ESRRG: variants seen among roughly 807,000 people sequenced by gnomAD.
The protein encoded by ESRRG is estrogen related receptor gamma, also known as estrogen-related receptor gamma.
ESRRG carries 13 observed loss-of-function variants against 44.0 expected under a neutral mutation model. The ratio of observed to expected loss-of-function variants is 0.30; its 90% CI spans 0.19 to 0.47. ESRRG has a LOEUF of 0.47. ESRRG is among the 20% of genes least tolerant of loss of function. The pLI, the probability that ESRRG is intolerant of heterozygous loss-of-function variation, is 1.00. For missense variants in ESRRG, 395 were observed against 580.6 expected (o/e 0.68, Z 3.29); for synonymous variants, 215 against 214.6 (o/e 1.00, Z -0.02).
At chr1:216,821,701 T>TAAA (rs975521934) in intron 2 of ESRRG, among the ~76,000 whole-genome samples, 1 of 80,526 alleles carries the variant, frequency 1.2e-5, no homozygotes, top group African/African-American at 4.2e-5. Flanking sequence ...AATAAATAAA[T>TAAA]AAATAAATAA....
chr1:216,875,884 C>T (rs569566387), intron 2 of ESRRG, among the ~76,000 whole-genome samples: 7 of 152,234 alleles, frequency 4.6e-5, no homozygotes, highest in South Asian at 4.1e-4. Context: ...CAGATATGAG[C>T]GTTCCAGTTC....
intron 2 of ESRRG, among the ~76,000 whole-genome samples, chr1:216,788,418 A>C (rs990507622): frequency 2.0e-4 from 30 of 152,144 alleles, no homozygotes; most frequent in African/African-American, 7.0e-4. Flanking sequence ...GCAACAACAA[A>C]GCCTGGATGA....
rs560254015 is a variant in ESRRG at position 216,892,727 on chromosome 1, A to C, written c.-14+46855T>G. Among the ~76,000 whole-genome samples, 11 of 152,274 alleles carry C rather than the reference A, an allele frequency of 7.2e-5. No individual in the cohort carries two copies. In the South Asian group the frequency reaches 2.1e-3, roughly 29 times the overall value. On this transcript the variant is annotated intron_variant, in intron 2 of 7. Transcript: ENST00000359162. ...AGTGGCAAGCTGATCTATGGCAATG[A>C]ACACAGCACTGTCCTCACATACTTT... is the stretch of plus-strand genomic sequence containing the variant.
chr1:216,647,515 T>G (rs1325211553), intron 3 of ESRRG, among the ~76,000 whole-genome samples: 1 of 152,152 alleles, frequency 6.6e-6, no homozygotes, highest in Non-Finnish European at 1.5e-5. Flanking sequence ...ATTCTAACAT[T>G]AAAATCAAAT....
chr1:216,922,251 G>C lies in ESRRG; in HGVS notation c.-14+17331C>G, dbSNP rs537650141. Among the ~76,000 whole-genome samples the C allele has an allele frequency of 3.3e-5, 5 of 152,272 alleles. No individual in the cohort carries two copies. The South Asian group carries it at 1.0e-3, about 32-fold the overall frequency. ...GTACACAGCATTTTTTAAAACATTA[G>C]ATAAAATTAAAAATAATAGGAAAAA... On this transcript the variant is annotated intron_variant, in intron 2 of 7. Coordinates refer to the ESRRG transcript ENST00000359162.
At chr1:216,559,605 T>C (rs902435860) in intron 5 of ESRRG, among the ~76,000 whole-genome samples, 2 of 152,200 alleles carry the variant, frequency 1.3e-5, no homozygotes, top group African/African-American at 2.4e-5. Context: ...CATATATACA[T>C]AGAAACATAG....
At chr1:216,556,233 A>G (rs2057529128) in intron 5 of ESRRG, among the ~76,000 whole-genome samples, 1 of 152,110 alleles carries the variant, frequency 6.6e-6, no homozygotes, top group Non-Finnish European at 1.5e-5. Context: ...CCAGAAAAAA[A>G]AAATATATGA....
intron 2 of ESRRG, among the ~76,000 whole-genome samples, chr1:216,737,724 C>T (rs17043610): frequency 0.13 from 20,164 of 151,602 alleles, 1,423 homozygotes; most frequent in Middle Eastern, 0.23. Context: ...TGGGCAAGTA[C>T]CTGAATTATT....
intron 3 of ESRRG, among the ~76,000 whole-genome samples, chr1:216,585,956 C>T (rs1290082460): frequency 1.3e-5 from 2 of 152,022 alleles, no homozygotes; most frequent in Non-Finnish European, 2.9e-5. Flanking sequence ...AGGAGAATGG[C>T]GTGAACCCGG....
At chr1:216,885,580 T>C (rs1421473541) in intron 2 of ESRRG, among the ~76,000 whole-genome samples, 2 of 152,152 alleles carry the variant, frequency 1.3e-5, no homozygotes, top group East Asian at 3.9e-4. Flanking sequence ...TTGTTTTTAT[T>C]GAATGTTGAT....
At chr1:216,728,063 CT>C (rs1439293854), upstream of ESRRG, among the ~76,000 whole-genome samples, 1 of 152,182 alleles carries the variant, frequency 6.6e-6, no homozygotes, top group Admixed American at 6.5e-5. Context: ...AATGGGAAAA[CT>C]GACCTTAGTT....
At chr1:216,698,258 C>A (rs924832780) in intron 1 of ESRRG, among the ~76,000 whole-genome samples, 1 of 152,108 alleles carries the variant, frequency 6.6e-6, no homozygotes, top group Non-Finnish European at 1.5e-5. Context: ...TGGCTCACGC[C>A]TGTAATCCCA....
intron 1 of ESRRG, among the ~76,000 whole-genome samples, chr1:216,710,063 A>G (rs1216649488): frequency 6.6e-6 from 1 of 152,202 alleles, no homozygotes; most frequent in Non-Finnish European, 1.5e-5. Flanking sequence ...CTGCACCTAA[A>G]CAGAGCCATT....
chr1:217,119,356 CA>C (rs2092787637), intron 1 of ESRRG, among the ~76,000 whole-genome samples: 1 of 152,248 alleles, frequency 6.6e-6, no homozygotes, highest in South Asian at 2.1e-4. Context: ...CTCCAAGAAA[CA>C]GTGGTAGCTC....
intron 1 of ESRRG, among the ~76,000 whole-genome samples, chr1:216,975,800 A>G (rs1275748227): frequency 1.3e-5 from 2 of 152,216 alleles, no homozygotes; most frequent in South Asian, 2.1e-4. Flanking sequence ...TCTTTTGTCA[A>G]TGGGAAAGAA....
At chr1:216,592,811 T>A (rs544696258) in intron 3 of ESRRG, among the ~76,000 whole-genome samples, 1 of 152,324 alleles carries the variant, frequency 6.6e-6, no homozygotes, top group African/African-American at 2.4e-5. Flanking sequence ...GGTGTTACCA[T>A]CTTGTTATAA....
intron 2 of ESRRG, among the ~76,000 whole-genome samples, chr1:216,653,762 C>G (rs2069623595): frequency 6.6e-6 from 1 of 152,072 alleles, no homozygotes; most frequent in East Asian, 1.9e-4. Flanking sequence ...CTTTCATACA[C>G]ATATTACCCA....
At chr1:216,638,207 C>T (rs1445256263) in intron 3 of ESRRG, among the ~76,000 whole-genome samples, 2 of 152,154 alleles carry the variant, frequency 1.3e-5, no homozygotes, top group Non-Finnish European at 2.9e-5. Flanking sequence ...TTACCAGATG[C>T]TGTACCAAGA....
At chr1:216,966,830 AT>A (rs2150238610) in intron 1 of ESRRG, among the ~76,000 whole-genome samples, 1 of 152,234 alleles carries the variant, frequency 6.6e-6, no homozygotes, top group African/African-American at 2.4e-5. Context: ...GTCAAAACCC[AT>A]GCATCCTACA....
Sources: allele counts gnomAD v4.1 joint callset (sites outside exome capture counted in the v4.1 genomes callset), GRCh38; gene constraint gnomAD v4.1.1; transcripts MANE v1.5; gene names NCBI Gene and HGNC (gene_info 2026-07-23, HGNC 2026-07-21).